Variants in CNTNAP2 observed in about 807,000 individuals in gnomAD.
CNTNAP2 encodes the protein contactin associated protein 2, also known as contactin-associated protein-like 2.
A neutral mutation model predicts 155.2 loss-of-function variants in CNTNAP2; 98 were observed. The observed-to-expected ratio is 0.63, with a 90% CI of 0.54 to 0.75. CNTNAP2 has a LOEUF of 0.75. CNTNAP2 is among the 30% of genes least tolerant of loss of function. The probability of loss-of-function intolerance (pLI) is 0.00; values close to 1 mark genes in which losing one functional copy is unlikely to be tolerated. For synonymous variants in CNTNAP2, 651 were observed against 631.2 expected (o/e 1.03, Z -0.47); for missense variants, 1,727 against 1,688.1 (o/e 1.02, Z -0.40).
At chr7:148,070,612 G>T (rs1585109640) in intron 15 of CNTNAP2, among the ~76,000 whole-genome samples, 2 of 152,280 alleles carry the variant, frequency 1.3e-5, no homozygotes, top group East Asian at 3.9e-4. Context: ...CAGCTACTTG[G>T]GAGGCTGAGG....
At chr7:146,904,923 A>C (rs1391242638) in intron 3 of CNTNAP2, among the ~76,000 whole-genome samples, 2 of 152,118 alleles carry the variant, frequency 1.3e-5, no homozygotes, top group African/African-American at 4.8e-5. Context: ...AAGCTCACCT[A>C]CCTTGAAAAG....
At chr7:146,743,718 C>T (rs976624961) in intron 1 of CNTNAP2, among the ~76,000 whole-genome samples, 1 of 152,096 alleles carries the variant, frequency 6.6e-6, no homozygotes, top group Non-Finnish European at 1.5e-5. Flanking sequence ...AATGCCCTTG[C>T]AGTAGACCTG....
intron 8 of CNTNAP2, among the ~76,000 whole-genome samples, chr7:147,234,939 G>A (rs1244672819): frequency 2.0e-5 from 3 of 152,134 alleles, no homozygotes; most frequent in Non-Finnish European, 4.4e-5. Flanking sequence ...TGATGCAGAC[G>A]CTTTGATGGT....
At chr7:147,028,303 A>G (rs1386074012) in intron 3 of CNTNAP2, among the ~76,000 whole-genome samples, 1 of 152,248 alleles carries the variant, frequency 6.6e-6, no homozygotes, top group Non-Finnish European at 1.5e-5. Flanking sequence ...TTTGGATATG[A>G]AATTGTCTCT....
intron 8 of CNTNAP2, among the ~76,000 whole-genome samples, chr7:147,255,066 TG>T (rs1347228052): frequency 6.6e-6 from 1 of 152,126 alleles, no homozygotes; most frequent in Non-Finnish European, 1.5e-5. Flanking sequence ...AGAAGCAAAG[TG>T]TGCATAGATA....
At chr7:147,022,604 C>T (rs1408540865) in intron 3 of CNTNAP2, among the ~76,000 whole-genome samples, 1 of 119,804 alleles carries the variant, frequency 8.3e-6, no homozygotes, top group African/African-American at 3.5e-5. Context: ...TACACAAACA[C>T]ATGGTTTTTT....
rs544471278 is a variant in CNTNAP2, at chr7:147,138,124, C to A, written c.1348+5615C>A. On this transcript the variant is annotated intron_variant, in intron 8 of 23. Coordinates refer to ENST00000361727, the MANE Select transcript of CNTNAP2 (RefSeq NM_014141.6). ...TACCTTTTGATGGGCTTGTAGATAT[C>A]TAAAAATTTCCGGTAAAGGCAAATC... 1.2e-4 allele frequency among the ~76,000 whole-genome samples: 18 copies of A among 151,800 alleles called. No homozygotes were observed. The East Asian group carries it at 3.1e-3, about 26-fold the overall frequency.
intron 13 of CNTNAP2, among the ~76,000 whole-genome samples, chr7:147,714,567 GT>G (rs1454307068): frequency 6.6e-6 from 1 of 151,946 alleles, no homozygotes; most frequent in African/African-American, 2.4e-5. Flanking sequence ...TCTTTTTGGA[GT>G]TTTTTTGAGT....
intron 1 of CNTNAP2, among the ~76,000 whole-genome samples, chr7:146,277,900 T>A (rs577666954): frequency 2.9e-4 from 44 of 151,600 alleles, no homozygotes; most frequent in Non-Finnish European, 5.6e-4. Flanking sequence ...TAATAAGAGA[T>A]GAAAGGACAA....
intron 1 of CNTNAP2, among the ~76,000 whole-genome samples, chr7:146,228,522 A>G (rs1012571070): frequency 2.0e-5 from 3 of 152,172 alleles, no homozygotes; most frequent in African/African-American, 7.2e-5. Context: ...TGGATATTTT[A>G]TTTTCAGTAT....
At chr7:146,833,508 C>G (rs893006478) in intron 2 of CNTNAP2, among the ~76,000 whole-genome samples, 1 of 152,158 alleles carries the variant, frequency 6.6e-6, no homozygotes, top group African/African-American at 2.4e-5. Context: ...GATGCCTGTG[C>G]CTGGCAGTGT....
chr7:147,203,883 T>C (rs1174792351), intron 8 of CNTNAP2, among the ~76,000 whole-genome samples: 2 of 152,014 alleles, frequency 1.3e-5, no homozygotes, highest in Non-Finnish European at 2.9e-5. Flanking sequence ...TAGATTATAA[T>C]AGCAAAATGT....
At chr7:146,150,503 T>A (rs1238817988) in intron 1 of CNTNAP2, among the ~76,000 whole-genome samples, 1 of 152,130 alleles carries the variant, frequency 6.6e-6, no homozygotes, top group African/African-American at 2.4e-5. Flanking sequence ...AACATTATTT[T>A]TATATATAAA....
At chr7:147,618,965 A>T (rs1310137870) in intron 12 of CNTNAP2, among the ~76,000 whole-genome samples, 1 of 152,190 alleles carries the variant, frequency 6.6e-6, no homozygotes, top group African/African-American at 2.4e-5. Flanking sequence ...TACACTGGTT[A>T]ATCTTGAGGG....
chr7:147,498,175 A>AAC (rs1798744813), intron 11 of CNTNAP2, among the ~76,000 whole-genome samples: 1 of 77,226 alleles, frequency 1.3e-5, no homozygotes, highest in East Asian at 6.0e-4. Flanking sequence ...CTATGATAAA[A>AAC]AAAAAAAAAA....
At chr7:147,527,389 A>T (rs142936180) in intron 11 of CNTNAP2, among the ~76,000 whole-genome samples, 1 of 152,124 alleles carries the variant, frequency 6.6e-6, no homozygotes, top group African/African-American at 2.4e-5. Context: ...TAGAGAGCAT[A>T]CCCAAGGTCC....
At chr7:147,109,477 C>CT (rs1187429322) in intron 5 of CNTNAP2, among the ~76,000 whole-genome samples, 1 of 151,986 alleles carries the variant, frequency 6.6e-6, no homozygotes, top group Non-Finnish European at 1.5e-5. Flanking sequence ...CTAAGTAGAA[C>CT]TTTCGATTAT....
rs371957189 is a variant in CNTNAP2 at position 147,889,746 on chromosome 7, C to T, written c.2099-13819C>T. ...CTGTACAATATGGTAGCCATTAGCA[C>T]ATATAGCTAGTGAGACTGAAAAACT... On this transcript the variant is annotated intron_variant, in intron 13 of 23. Transcript: ENST00000361727. Among the ~76,000 whole-genome samples the T allele has an allele frequency of 3.5e-4, 54 of 152,282 alleles. 1 individual carries two copies. The highest frequency in any genetic ancestry group is 1.1e-3 in the African/African-American group (47 of 41,576).
intron 1 of CNTNAP2, among the ~76,000 whole-genome samples, chr7:146,538,982 G>A (rs1226191905): frequency 1.3e-5 from 2 of 151,908 alleles, no homozygotes; most frequent in African/African-American, 4.8e-5. Context: ...ATTAACAGGG[G>A]GTAATGAAAA....
Sources: gnomAD v4.1 joint callset for allele counts (sites outside exome capture counted in the v4.1 genomes callset) on GRCh38, gnomAD v4.1.1 for gene constraint, MANE v1.5 for transcripts, NCBI Gene and HGNC (gene_info 2026-07-23, HGNC 2026-07-21) for gene names.